The following NYAP2 variants were observed in gnomAD, a reference collection of about 807,000 sequenced individuals.
The protein encoded by NYAP2 is neuronal tyrosine-phosphorylated phosphoinositide-3-kinase adaptor 2, also known as neuronal tyrosine-phosphorylated phosphoinositide-3-kinase adapter 2.
NYAP2 carries 23 observed loss-of-function variants against 50.4 expected under a neutral mutation model. The ratio of observed to expected loss-of-function variants is 0.46; its 90% CI spans 0.33 to 0.65. The LOEUF is 0.65. NYAP2 is among the 30% of genes least tolerant of loss of function. NYAP2 has a pLI of 0.02. For missense variants in NYAP2, 885 were observed against 861.0 expected (o/e 1.03, Z -0.35); for synonymous variants, 394 against 365.2 (o/e 1.08, Z -0.90).
intron 3 of NYAP2, among the ~76,000 whole-genome samples, chr2:225,510,779 TTGTGTGTGTG>T (rs146231874): frequency 1.3e-5 from 2 of 148,390 alleles, no homozygotes; most frequent in South Asian, 2.2e-4. Context: ...GTTAATGTGT[TTGTGTGTGTG>T]TGTGTGTGTG....
At chr2:225,566,754 C>G (rs560116533) in intron 4 of NYAP2, among the ~76,000 whole-genome samples, 1 of 152,272 alleles carries the variant, frequency 6.6e-6, no homozygotes, top group East Asian at 1.9e-4. Context: ...AAAGAGTTAT[C>G]AACCACTGGT....
intron 5 of NYAP2, among the ~76,000 whole-genome samples, chr2:225,619,912 A>C (rs1693059774): frequency 1.3e-5 from 2 of 152,352 alleles, no homozygotes; most frequent in South Asian, 4.1e-4. Flanking sequence ...ATTTAATTCA[A>C]GTTCAGATTT....
chr2:225,641,457 A>G lies in NYAP2; in HGVS notation c.1829-9975A>G, dbSNP rs1200347831. Among the ~76,000 whole-genome samples the G allele has an allele frequency of 3.4e-5, 5 of 148,202 alleles. No homozygotes were observed. The South Asian group carries it at 8.6e-4, about 25-fold the overall frequency. ...CACACACACACACACACACACACAC[A>G]CACACACACACAAACACACACACAA... On this transcript the variant is annotated intron_variant, in intron 6 of 6. Transcript: ENST00000636099.
chr2:225,430,891 T>TA (rs1559177688), intron 3 of NYAP2, among the ~76,000 whole-genome samples: 1 of 152,194 alleles, frequency 6.6e-6, no homozygotes, highest in Non-Finnish European at 1.5e-5. Context: ...TATCATGTCT[T>TA]ACACAACAAA....
At chr2:225,683,745 G>A in the NYAP2 span, among the ~76,000 whole-genome samples, 1 of 152,240 alleles carries the variant, frequency 6.6e-6, no homozygotes, top group East Asian at 1.9e-4. Flanking sequence ...CCATAAAAGA[G>A]AGCAAGATGG....
At chr2:225,626,973 GACA>G (rs769224968) in exon 6 of NYAP2, 2 of 1,586,576 alleles carry the variant, frequency 1.3e-6, no homozygotes, top group Non-Finnish European at 8.6e-7. Context: ...ACCAAAGTTG[GACA>G]ACAAGGAAAG....
intron 6 of NYAP2, among the ~76,000 whole-genome samples, chr2:225,646,338 G>A (rs145764541): frequency 0.025 from 3,778 of 152,332 alleles, 178 homozygotes; most frequent in African/African-American, 0.086. Flanking sequence ...GATCACGTGA[G>A]GTCGGGAGTT....
chr2:225,614,268 A>G (rs1431638339), intron 5 of NYAP2, among the ~76,000 whole-genome samples: 1 of 152,212 alleles, frequency 6.6e-6, no homozygotes, highest in Non-Finnish European at 1.5e-5. Context: ...GAATGTTAAG[A>G]ACAGTTAATA....
rs143887593 is a variant in NYAP2 at position 225,496,038 on chromosome 2, A to T, written c.222-17333A>T. On this transcript the variant is annotated intron_variant, in intron 3 of 6. Transcript: ENST00000636099. ...AGGTATATACCAGGGAGTGGTAGAGATGATTGATCACAAAATTTAAGCTGC... is the reference window on the plus strand; with the variant it reads ...AGGTATATACCAGGGAGTGGTAGAGTTGATTGATCACAAAATTTAAGCTGC... Among the ~76,000 whole-genome samples, 572 of 152,342 alleles carry T rather than the reference A, an allele frequency of 3.8e-3. 3 individuals carry two copies. The highest frequency in any genetic ancestry group is 0.01 in the Middle Eastern group (3 of 294).
At chr2:225,474,753 C>T (rs1320916465) in intron 3 of NYAP2, among the ~76,000 whole-genome samples, 2 of 152,226 alleles carry the variant, frequency 1.3e-5, no homozygotes, top group Admixed American at 1.3e-4. Flanking sequence ...ATGTCATCTG[C>T]AAACAAGGAC....
exon 7 of NYAP2, chr2:225,651,850 C>A (rs1310808040): frequency 2.1e-5 from 6 of 282,128 alleles, no homozygotes; most frequent in Non-Finnish European, 3.9e-5. Context: ...CTTAGTGGTT[C>A]TTTTTTAAAT....
the NYAP2 span, among the ~76,000 whole-genome samples, chr2:225,688,878 G>A: frequency 6.6e-6 from 1 of 152,114 alleles, no homozygotes; most frequent in African/African-American, 2.4e-5. Flanking sequence ...GAGTAGCCGG[G>A]ATTACAGGTG....
chr2:225,681,686 A>T, the NYAP2 span, among the ~76,000 whole-genome samples: 5 of 152,312 alleles, frequency 3.3e-5, no homozygotes, highest in African/African-American at 1.2e-4. Context: ...AAATACCCAT[A>T]ATCTCACTGC....
intron 2 of NYAP2, among the ~76,000 whole-genome samples, chr2:225,407,137 G>GT (rs1311507476): frequency 6.6e-6 from 1 of 152,010 alleles, no homozygotes; most frequent in Non-Finnish European, 1.5e-5. Flanking sequence ...TAGTGCAAAA[G>GT]TCCTTGGTAG....
exon 4 of NYAP2, chr2:225,513,561 C>A (rs1205760507): frequency 2.5e-6 from 4 of 1,608,182 alleles, no homozygotes; most frequent in Admixed American, 1.7e-5. Flanking sequence ...CTCACGGAGA[C>A]AACCACCACC....
At chr2:225,636,355 C>G (rs1693414524) in intron 6 of NYAP2, among the ~76,000 whole-genome samples, 1 of 152,110 alleles carries the variant, frequency 6.6e-6, no homozygotes, top group Admixed American at 6.6e-5. Context: ...TACATAATTT[C>G]TAAGCTGTGT....
intron 4 of NYAP2, among the ~76,000 whole-genome samples, chr2:225,517,081 A>G (rs1690949173): frequency 6.6e-6 from 1 of 152,128 alleles, no homozygotes. Context: ...AAAAAAAATC[A>G]CATACCAAAA....
intron 4 of NYAP2, among the ~76,000 whole-genome samples, chr2:225,528,654 G>A (rs138277717): frequency 2.6e-3 from 389 of 152,294 alleles, no homozygotes; most frequent in Middle Eastern, 0.014. Flanking sequence ...ACCCAGCATG[G>A]GAACTGGTCC....
intron 4 of NYAP2, among the ~76,000 whole-genome samples, chr2:225,514,466 T>C (rs149632980): frequency 6.6e-6 from 1 of 152,290 alleles, no homozygotes; most frequent in East Asian, 1.9e-4. Context: ...TTCTCACAGT[T>C]CTGGAGGCTG....
Sources: gnomAD v4.1 joint callset for allele counts (sites outside exome capture counted in the v4.1 genomes callset) on GRCh38, gnomAD v4.1.1 for gene constraint, MANE v1.5 for transcripts, NCBI Gene and HGNC (gene_info 2026-07-23, HGNC 2026-07-21) for gene names.